MAGI2: variants seen among roughly 807,000 people sequenced by gnomAD.
MAGI2 encodes the protein membrane-associated guanylate kinase, WW and PDZ domain-containing protein 2.
Under a neutral mutation model 133.3 loss-of-function variants are expected in MAGI2, and 35 were observed. The ratio of observed to expected loss-of-function variants is 0.26; its 90% CI spans 0.20 to 0.35. The LOEUF is 0.35. MAGI2 is among the 10% of genes least tolerant of loss of function. The pLI is 1.00. For missense variants in MAGI2, 1,636 were observed against 1,863.4 expected, an observed-to-expected ratio of 0.88 and a Z score of 2.25; for synonymous variants, 729 against 710.6, an observed-to-expected ratio of 1.03 and a Z score of -0.41.
chr7:79,291,381 T>C (rs1009132071), intron 1 of MAGI2, among the ~76,000 whole-genome samples: 3 of 152,158 alleles, frequency 2.0e-5, no homozygotes, highest in African/African-American at 4.8e-5. Context: ...AACATTTGTA[T>C]ACAAGTTTCT....
chr7:79,002,911 T>G (rs1807034976), intron 2 of MAGI2, among the ~76,000 whole-genome samples: 1 of 131,084 alleles, frequency 7.6e-6, no homozygotes, highest in African/African-American at 2.9e-5. Context: ...TGTTTGCTTG[T>G]TTTTTTTTTT....
intron 6 of MAGI2, among the ~76,000 whole-genome samples, chr7:78,435,037 C>T (rs1451369565): frequency 6.6e-6 from 1 of 152,116 alleles, no homozygotes; most frequent in Non-Finnish European, 1.5e-5. Context: ...ATTCTGGAGT[C>T]TGCCTTGGGT....
intron 1 of MAGI2, among the ~76,000 whole-genome samples, chr7:79,366,394 G>C (rs1842713900): frequency 6.6e-6 from 1 of 152,140 alleles, no homozygotes; most frequent in Non-Finnish European, 1.5e-5. Flanking sequence ...TAAAGACAAA[G>C]GGAAAGAGGG....
At chr7:78,061,958 T>A (rs1462348533) in intron 21 of MAGI2, among the ~76,000 whole-genome samples, 1 of 152,182 alleles carries the variant, frequency 6.6e-6, no homozygotes, top group African/African-American at 2.4e-5. Context: ...TAAAATGCAG[T>A]ATGTCACAGG....
chr7:79,066,881 CTTGT>C (rs1814395177), intron 1 of MAGI2, among the ~76,000 whole-genome samples: 2 of 152,102 alleles, frequency 1.3e-5, no homozygotes, highest in Non-Finnish European at 2.9e-5. Flanking sequence ...TTCCCCATTG[CTTGT>C]TTTTGTCATA....
chr7:78,283,854 A>G (rs1209061302), intron 9 of MAGI2, among the ~76,000 whole-genome samples: 2 of 152,126 alleles, frequency 1.3e-5, no homozygotes, highest in African/African-American at 2.4e-5. Flanking sequence ...TAAAAGTGGT[A>G]TTTTAAATGT....
chr7:79,134,580 C>T (rs1488380843), intron 1 of MAGI2, among the ~76,000 whole-genome samples: 1 of 152,174 alleles, frequency 6.6e-6, no homozygotes, highest in Non-Finnish European at 1.5e-5. Flanking sequence ...CTATATCGCA[C>T]ATACTTAAGT....
chr7:79,163,103 T>C lies in MAGI2; in HGVS notation c.302-155897A>G, dbSNP rs1431236060. Among the ~76,000 whole-genome samples the C allele has an allele frequency of 2.0e-5, 3 of 152,050 alleles. No homozygotes were observed. The East Asian group carries it at 5.8e-4, about 29-fold the overall frequency. The stretch of plus-strand genomic sequence containing the variant: ...AACCTCCTTTTCTCTCCCCAAAACA[T>C]CAGTATAGGGTACAATACAAAAGCA... On this transcript the variant is annotated intron_variant, in intron 1 of 21. Coordinates refer to ENST00000354212, the MANE Select transcript of MAGI2 (RefSeq NM_012301.4).
intron 1 of MAGI2, among the ~76,000 whole-genome samples, chr7:79,228,494 A>G (rs1322388979): frequency 6.6e-6 from 1 of 152,046 alleles, no homozygotes; most frequent in African/African-American, 2.4e-5. Context: ...ACTAATTGTA[A>G]AATGTGTAAA....
chr7:79,091,920 C>G (rs915557116), intron 1 of MAGI2, among the ~76,000 whole-genome samples: 27 of 151,968 alleles, frequency 1.8e-4, no homozygotes, highest in Admixed American at 5.9e-4. Flanking sequence ...CACAGAAAAA[C>G]AAGCAGAAGG....
intron 2 of MAGI2, among the ~76,000 whole-genome samples, chr7:78,974,665 T>C (rs1804083399): frequency 6.6e-6 from 1 of 151,830 alleles, no homozygotes; most frequent in Non-Finnish European, 1.5e-5. Flanking sequence ...GAAATTTTTA[T>C]TGTAATCTCA....
chr7:79,083,426 A>T (rs553801210), intron 1 of MAGI2, among the ~76,000 whole-genome samples: 48 of 151,008 alleles, frequency 3.2e-4, no homozygotes, highest in Non-Finnish European at 5.2e-4. Flanking sequence ...TTCTACATAT[A>T]TTGAAAATAT....
At chr7:78,684,028 C>G (rs1815991401) in intron 2 of MAGI2, among the ~76,000 whole-genome samples, 1 of 152,172 alleles carries the variant, frequency 6.6e-6, no homozygotes, top group African/African-American at 2.4e-5. Context: ...GCTCTGAACC[C>G]TCTAATCACG....
At chr7:79,364,352 C>T (rs1055352935) in intron 1 of MAGI2, among the ~76,000 whole-genome samples, 1 of 151,906 alleles carries the variant, frequency 6.6e-6, no homozygotes, top group Admixed American at 6.5e-5. Context: ...ATTTTAATGT[C>T]TCACCTGAAA....
At chr7:78,024,381 G>A (rs1302899620) in intron 21 of MAGI2, among the ~76,000 whole-genome samples, 1 of 152,070 alleles carries the variant, frequency 6.6e-6, no homozygotes, top group African/African-American at 2.4e-5. Flanking sequence ...CTGCCTTCTC[G>A]ATGTCCACTT....
intron 2 of MAGI2, among the ~76,000 whole-genome samples, chr7:78,875,922 A>G (rs937595007): frequency 2.6e-5 from 4 of 152,322 alleles, no homozygotes; most frequent in African/African-American, 9.6e-5. Flanking sequence ...CATTCTACAG[A>G]TTAGATGTGG....
intron 9 of MAGI2, among the ~76,000 whole-genome samples, chr7:78,266,726 C>T (rs926159321): frequency 2.6e-5 from 4 of 151,910 alleles, no homozygotes; most frequent in Middle Eastern, 3.4e-3. Context: ...TACAGGATCA[C>T]GCCACTACAC....
In MAGI2 at chr7:78,434,613, T is replaced by C. The variant is rs531941028; in HGVS notation, c.1045+55148A>G. Among the ~76,000 whole-genome samples the C allele has an allele frequency of 2.0e-5, 3 of 152,282 alleles. No individual in the cohort carries two copies. In the East Asian group the frequency reaches 5.8e-4, roughly 29 times the overall value. On this transcript the variant is annotated intron_variant, in intron 6 of 21. Transcript: ENST00000354212. ...ACAGGGATGACTCTACTTTACTCCATCTCCTATATTATCCTTTTACCCTCA... is the reference window on the plus strand; with the variant it reads ...ACAGGGATGACTCTACTTTACTCCACCTCCTATATTATCCTTTTACCCTCA...
intron 1 of MAGI2, among the ~76,000 whole-genome samples, chr7:79,293,791 T>C (rs1393908476): frequency 1.3e-5 from 2 of 152,182 alleles, no homozygotes; most frequent in East Asian, 3.9e-4. Flanking sequence ...TCCTAGTCAT[T>C]AAATAAACAT....
Sources: gnomAD v4.1 joint callset for allele counts (sites outside exome capture counted in the v4.1 genomes callset) on GRCh38, gnomAD v4.1.1 for gene constraint, MANE v1.5 for transcripts, NCBI Gene and HGNC (gene_info 2026-07-23, HGNC 2026-07-21) for gene names.